Variants in PAG1 observed in about 807,000 individuals in gnomAD.
PAG1 encodes phosphoprotein associated with glycosphingolipid-enriched microdomains 1.
A neutral mutation model predicts 31.7 loss-of-function variants in PAG1; 23 were observed. That is an observed-to-expected ratio of 0.73 (90% confidence interval 0.52 to 1.03). PAG1 has a LOEUF of 1.03. Among genes scored for constraint, PAG1 ranks in the 50% least tolerant of loss-of-function variants. The probability of loss-of-function intolerance (pLI) is 0.00; values close to 1 mark genes in which losing one functional copy is unlikely to be tolerated. For missense variants in PAG1, 473 were observed against 540.7 expected (o/e 0.87, Z 1.24); for synonymous variants, 214 against 210.3 (o/e 1.02, Z -0.15).
At chr8:81,111,360 C>A (rs116763947) in intron 1 of PAG1, among the ~76,000 whole-genome samples, 150 of 152,276 alleles carry the variant, frequency 9.9e-4, no homozygotes, top group African/African-American at 3.5e-3. Context: ...CTAGGAGTAC[C>A]TGTCCTCTCC....
At position 80,969,156 on chromosome 8, in the gene PAG1, G is replaced by C. The variant is rs569001653; in HGVS notation, c.*7388C>G. The C allele has an allele frequency of 6.6e-6, 1 of 152,286 alleles. No individual in the cohort carries two copies. Among genetic ancestry groups the C allele is most frequent in the East Asian group, 1.9e-4 (1 of 5,188 alleles). 9.4% of individuals were successfully genotyped at this position (152,286 alleles called of 1,614,324 possible). A position where few individuals can be genotyped will look rare whatever the true frequency, so the allele number is the denominator to read the frequency against. ...AGGCATGGCCATCTTCCAGGACATG[G>C]GCGGGTAGTGGCACATAGGAATTAA... On this transcript the variant is annotated 3_prime_UTR_variant, in exon 9 of 9. Coordinates refer to ENST00000220597, the MANE Select transcript of PAG1 (RefSeq NM_018440.4).
chr8:80,982,587 T>TG (rs888223460), intron 7 of PAG1, among the ~76,000 whole-genome samples: 1 of 152,204 alleles, frequency 6.6e-6, no homozygotes, highest in African/African-American at 2.4e-5. Context: ...AATCCAGCCC[T>TG]GGCCTTTCCT....
At position 81,048,739 on chromosome 8, in the gene PAG1, TC is replaced by T. The variant is rs1808680467; in HGVS notation, c.-174-18651del. Among the ~76,000 whole-genome samples the T allele has an allele frequency of 3.3e-5, 5 of 152,330 alleles. No homozygotes were observed. In the South Asian group the frequency reaches 1.0e-3, roughly 32 times the overall value. On this transcript the variant is annotated intron_variant, in intron 2 of 8. Coordinates refer to ENST00000220597, the MANE Select transcript of PAG1 (RefSeq NM_018440.4). The stretch of plus-strand genomic sequence containing the variant: ...TTTACATCAACGACGCTAGCATCAT[TC>T]GTATATATAAATGTACATACATTTA...
intron 1 of PAG1, among the ~76,000 whole-genome samples, chr8:81,081,265 AC>A (rs1220175273): frequency 6.6e-6 from 1 of 152,124 alleles, no homozygotes; most frequent in Admixed American, 6.5e-5. Flanking sequence ...ATCTTTCTGA[AC>A]TTGGACATGC....
chr8:80,992,400 C>T (rs138452591), intron 4 of PAG1, among the ~76,000 whole-genome samples: 186 of 152,316 alleles, frequency 1.2e-3, no homozygotes, highest in Non-Finnish European at 2.3e-3. Context: ...GGCTGGCTGA[C>T]GGTCAGCTGG....
At chr8:81,032,718 A>C (rs1430146497) in intron 2 of PAG1, among the ~76,000 whole-genome samples, 1 of 152,218 alleles carries the variant, frequency 6.6e-6, no homozygotes, top group Non-Finnish European at 1.5e-5. Context: ...TTCCACTCCC[A>C]GGTATATAGC....
intron 1 of PAG1, among the ~76,000 whole-genome samples, chr8:81,092,094 T>A (rs1809455623): frequency 6.9e-6 from 1 of 145,046 alleles, no homozygotes; most frequent in Non-Finnish European, 1.5e-5. Context: ...GGCTCACACC[T>A]GTAACCCCAA....
chr8:80,970,710 T>C lies in PAG1; in HGVS notation c.*5834A>G, dbSNP rs547957544. The C allele has an allele frequency of 3.3e-5, 5 of 153,182 alleles. No homozygotes were observed. The South Asian group carries it at 1.0e-3, about 32-fold the overall frequency. The allele number at this position is 153,182 out of a possible 1,614,324, so 9.5% of individuals were successfully genotyped here. A position where few individuals can be genotyped will look rare whatever the true frequency, so the allele number is the denominator to read the frequency against. On this transcript the variant is annotated 3_prime_UTR_variant, in exon 9 of 9. Coordinates refer to ENST00000220597, the MANE Select transcript of PAG1 (RefSeq NM_018440.4). ...TAGTGTCAACCATTCTTACGAAAGA[T>C]GTGAGCAACAGTGTACATGTTTTGG...
At chr8:81,084,036 G>C (rs1368869017) in intron 1 of PAG1, among the ~76,000 whole-genome samples, 1 of 137,608 alleles carries the variant, frequency 7.3e-6, no homozygotes, top group Non-Finnish European at 1.6e-5. Context: ...CTCCATCTTA[G>C]AAAAAAAAAA....
intron 1 of PAG1, among the ~76,000 whole-genome samples, chr8:81,093,583 G>C (rs773876948): frequency 6.6e-6 from 1 of 151,768 alleles, no homozygotes; most frequent in Non-Finnish European, 1.5e-5. Flanking sequence ...GGGTAGACAC[G>C]TTGCCTTTAC....
At chr8:81,036,626 G>A (rs1808465714) in intron 2 of PAG1, among the ~76,000 whole-genome samples, 1 of 152,170 alleles carries the variant, frequency 6.6e-6, no homozygotes, top group Non-Finnish European at 1.5e-5. Context: ...GATGCACTGT[G>A]CAATATTGGA....
chr8:80,994,052 G>GC (rs917062735), intron 3 of PAG1, among the ~76,000 whole-genome samples: 13 of 148,318 alleles, frequency 8.8e-5, no homozygotes, highest in African/African-American at 3.3e-4. Context: ...ACCTGCCCCT[G>GC]CCCCCCACTG....
intron 1 of PAG1, among the ~76,000 whole-genome samples, chr8:81,088,674 C>T (rs1205569319): frequency 1.3e-5 from 2 of 152,166 alleles, no homozygotes; most frequent in African/African-American, 2.4e-5. Flanking sequence ...CTATTTAATA[C>T]TAGCAAACAA....
At chr8:81,027,733 GTC>G in intron 3 of PAG1, among the ~76,000 whole-genome samples, 1 of 152,024 alleles carries the variant, frequency 6.6e-6, no homozygotes, top group South Asian at 2.1e-4. Flanking sequence ...GTGAAACCCT[GTC>G]TCTATTAAAA....
At chr8:80,983,079 G>A (rs1243375446) in intron 7 of PAG1, among the ~76,000 whole-genome samples, 1 of 152,174 alleles carries the variant, frequency 6.6e-6, no homozygotes, top group Non-Finnish European at 1.5e-5. Context: ...CCAGGATCGA[G>A]CTCTGGTTCT....
chr8:81,053,077 G>A (rs1586190162), intron 2 of PAG1, among the ~76,000 whole-genome samples: 1 of 152,240 alleles, frequency 6.6e-6, no homozygotes, highest in East Asian at 1.9e-4. Context: ...AGAGAATGCA[G>A]AGTTAATAAT....
At chr8:80,984,747 A>C in intron 7 of PAG1, 29 bp downstream of exon 7, 1 of 1,601,890 alleles carries the variant, frequency 6.2e-7, no homozygotes, top group Non-Finnish European at 8.5e-7. Flanking sequence ...AGGAACCCAC[A>C]AAGACAAAAC....
intron 3 of PAG1, among the ~76,000 whole-genome samples, chr8:81,016,771 A>G (rs1260717196): frequency 6.6e-6 from 1 of 152,186 alleles, no homozygotes; most frequent in East Asian, 1.9e-4. Flanking sequence ...CCTTGTGTCT[A>G]GACTGGGCTT....
At chr8:81,034,249 T>A (rs6999545) in intron 2 of PAG1, among the ~76,000 whole-genome samples, 80,085 of 152,044 alleles carry the variant, frequency 0.53, 22,705 homozygotes, top group Admixed American at 0.64. Flanking sequence ...GTACTGAGCA[T>A]GGAATGAATC....
Sources: allele counts gnomAD v4.1 joint callset (sites outside exome capture counted in the v4.1 genomes callset), GRCh38; gene constraint gnomAD v4.1.1; transcripts MANE v1.5; gene names NCBI Gene and HGNC (gene_info 2026-07-23, HGNC 2026-07-21).